Variants in ERAP1 observed in about 807,000 individuals in gnomAD.
The protein encoded by ERAP1 is adipocyte-derived leucine aminopeptidase.
A neutral mutation model predicts 103.7 loss-of-function variants in ERAP1; 86 were observed. The observed-to-expected ratio is 0.83, with a 90% CI of 0.70 to 0.99. The LOEUF is 0.99. ERAP1 is among the 50% of genes least tolerant of loss of function. The pLI is 0.00. For missense variants in ERAP1, 1,009 were observed against 1,128.4 expected (o/e 0.89, Z 1.52); for synonymous variants, 398 against 402.4 (o/e 0.99, Z 0.13).
the ERAP1 span, among the ~76,000 whole-genome samples, chr5:96,886,502 C>A: frequency 6.6e-6 from 1 of 152,150 alleles, no homozygotes. Context: ...AGAGAGGCTA[C>A]AGAATACTAG....
At chr5:96,828,363 A>G in the ERAP1 span, among the ~76,000 whole-genome samples, 2 of 152,230 alleles carry the variant, frequency 1.3e-5, no homozygotes, top group Admixed American at 6.5e-5. Flanking sequence ...TTGAGTGTAA[A>G]TAAACATTAG....
the ERAP1 span, chr5:96,892,234 G>C: frequency 6.5e-7 from 1 of 1,542,406 alleles, no homozygotes; most frequent in Non-Finnish European, 8.9e-7. Flanking sequence ...TATTTGAGCA[G>C]AGAGCAAATT....
chr5:96,896,531 G>A, the ERAP1 span: 10 of 1,577,330 alleles, frequency 6.3e-6, no homozygotes, highest in Middle Eastern at 1.7e-4. Context: ...GCAGGTGGAA[G>A]CTCTGCTTTC....
the ERAP1 span, among the ~76,000 whole-genome samples, chr5:96,888,095 GCCT>G: frequency 6.7e-6 from 1 of 149,442 alleles, no homozygotes; most frequent in Non-Finnish European, 1.5e-5. Context: ...AGGCACTCCA[GCCT>G]GGGTGACAAG....
the ERAP1 span, among the ~76,000 whole-genome samples, chr5:96,877,601 TG>T: frequency 2.6e-5 from 4 of 152,260 alleles, no homozygotes; most frequent in African/African-American, 9.6e-5. Flanking sequence ...CACTGTTTTA[TG>T]GTTGAGATAA....
At chr5:96,907,013 A>G in the ERAP1 span, among the ~76,000 whole-genome samples, 18 of 152,342 alleles carry the variant, frequency 1.2e-4, no homozygotes, top group South Asian at 2.7e-3. Flanking sequence ...GGGCAACAGG[A>G]GTGAAACTCC....
the ERAP1 span, chr5:96,895,441 C>G: frequency 6.0e-5 from 58 of 972,304 alleles, no homozygotes; most frequent in African/African-American, 7.1e-4. Flanking sequence ...GAATGTTAAA[C>G]AGAAAAACTA....
At chr5:96,785,447 T>C in intron 13 of ERAP1, 4 of 362,244 alleles carry the variant, frequency 1.1e-5, no homozygotes, top group South Asian at 9.0e-5. Flanking sequence ...TGATCCGGTA[T>C]AGCGGGGCCA....
intron 19 of ERAP1, chr5:96,765,079 G>A: frequency 1.5e-6 from 1 of 645,544 alleles, no homozygotes; most frequent in Non-Finnish European, 2.8e-6. Context: ...CTCTGACCCT[G>A]TCTACTCCCC....
At chr5:96,877,001 GC>G in the ERAP1 span, among the ~76,000 whole-genome samples, 1 of 152,068 alleles carries the variant, frequency 6.6e-6, no homozygotes, top group Non-Finnish European at 1.5e-5. Context: ...TTGAGAGAGA[GC>G]CTCGCTCTGT....
At chr5:96,903,550 C>T in the ERAP1 span, 1 of 1,596,840 alleles carries the variant, frequency 6.3e-7, no homozygotes. Flanking sequence ...TGATGTGTTT[C>T]AGCTAGTTGG....
At chr5:96,854,910 T>C in the ERAP1 span, among the ~76,000 whole-genome samples, 1 of 152,216 alleles carries the variant, frequency 6.6e-6, no homozygotes, top group Non-Finnish European at 1.5e-5. Context: ...GAGAGAAATA[T>C]CTTCAGGCTT....
At chr5:96,796,472 A>G (rs1356556576) in intron 4 of ERAP1, among the ~76,000 whole-genome samples, 1 of 152,260 alleles carries the variant, frequency 6.6e-6, no homozygotes. Flanking sequence ...CCTGCCAGAT[A>G]GTAACATTTA....
chr5:96,909,913 T>G, the ERAP1 span: 1 of 695,698 alleles, frequency 1.4e-6, no homozygotes, highest in Non-Finnish European at 2.4e-6. Context: ...GCTCTCACAT[T>G]GTAAGTGCTA....
At position 96,776,396 on chromosome 5, in the gene ERAP1, T is replaced by TTACA. The variant is rs764254869; in HGVS notation, c.2822_2825dup (p.Ter942TyrfsTer14). The TTACA allele has an allele frequency of 6.2e-6, 10 of 1,603,786 alleles. No homozygotes were observed. Among genetic ancestry groups the TTACA allele is most frequent in the Middle Eastern group, 1.7e-4 (1 of 6,034 alleles). On this transcript the variant is annotated frameshift_variant and stop_lost, in exon 19 of 19. Coordinates refer to ENST00000443439, the MANE Select transcript of ERAP1 (RefSeq NM_001040458.3). LOFTEE classifies it high-confidence loss of function. The stretch of plus-strand genomic sequence containing the variant: ...CAGGAACCTGGCAAGGGAGGAATTT[T>TTACA]TACATACGTTCAAGCTTTTCACTTT...
the ERAP1 span, among the ~76,000 whole-genome samples, chr5:96,818,893 C>CATTTATGTATGT: frequency 1.4e-5 from 2 of 141,762 alleles, no homozygotes; most frequent in Non-Finnish European, 3.1e-5. Context: ...ACCTGAACTG[C>CATTTATGTATGT]ATTTATTTAT....
chr5:96,896,746 G>T, the ERAP1 span: 2 of 1,574,284 alleles, frequency 1.3e-6, no homozygotes, highest in East Asian at 2.3e-5. Flanking sequence ...CTTGTATTTT[G>T]AATATGCTCA....
At chr5:96,763,013 G>A in exon 20 of ERAP1, 1 of 672,636 alleles carries the variant, frequency 1.5e-6, no homozygotes, top group Non-Finnish European at 2.7e-6. Flanking sequence ...CATTACCAAG[G>A]AGACCACAGC....
chr5:96,898,393 A>G, the ERAP1 span, among the ~76,000 whole-genome samples: 499 of 148,036 alleles, frequency 3.4e-3, 1 homozygote, highest in African/African-American at 0.011. Flanking sequence ...CCTATTTTTT[A>G]CTTGCATTTC....
Sources: allele counts gnomAD v4.1 joint callset (sites outside exome capture counted in the v4.1 genomes callset), GRCh38; gene constraint gnomAD v4.1.1; transcripts MANE v1.5; gene names NCBI Gene and HGNC (gene_info 2026-07-23, HGNC 2026-07-21).